LRRTM4: variants seen among roughly 807,000 people sequenced by gnomAD.
LRRTM4 encodes the protein leucine-rich repeat transmembrane neuronal protein 4.
In LRRTM4, 25 loss-of-function variants were observed where a neutral mutation model predicts 47.6. The ratio of observed to expected loss-of-function variants is 0.53; its 90% CI spans 0.38 to 0.73. The LOEUF (loss-of-function observed/expected upper bound fraction) is 0.73. LRRTM4 is among the 30% of genes least tolerant of loss of function. LRRTM4 has a pLI of 0.00. For missense variants in LRRTM4, 638 were observed against 713.4 expected, an observed-to-expected ratio of 0.89 and a Z score of 1.20; for synonymous variants, 311 against 269.5, an observed-to-expected ratio of 1.15 and a Z score of -1.51.
At chr2:76,845,317 C>T (rs528767974) in intron 3 of LRRTM4, among the ~76,000 whole-genome samples, 18 of 152,180 alleles carry the variant, frequency 1.2e-4, no homozygotes, top group African/African-American at 4.3e-4. Context: ...ATGGTGAAAC[C>T]CCGTCTCTAC....
intron 3 of LRRTM4, among the ~76,000 whole-genome samples, chr2:77,073,109 T>G (rs1047090592): frequency 6.6e-6 from 1 of 151,878 alleles, no homozygotes; most frequent in African/African-American, 2.4e-5. Flanking sequence ...GATCTCCAGG[T>G]GATTCATACA....
chr2:76,970,552 T>C (rs1448665637), intron 3 of LRRTM4, among the ~76,000 whole-genome samples: 2 of 152,032 alleles, frequency 1.3e-5, no homozygotes, highest in African/African-American at 4.8e-5. Flanking sequence ...ATTAAAAATA[T>C]TGTAGAATAA....
chr2:77,392,797 T>A (rs906963930), intron 3 of LRRTM4, among the ~76,000 whole-genome samples: 2 of 152,050 alleles, frequency 1.3e-5, no homozygotes, highest in Admixed American at 1.3e-4. Context: ...AGAGAACTAC[T>A]GTATATCATG....
At chr2:76,968,255 T>TA (rs1676092747) in intron 3 of LRRTM4, among the ~76,000 whole-genome samples, 1 of 145,192 alleles carries the variant, frequency 6.9e-6, no homozygotes, top group African/African-American at 2.6e-5. Flanking sequence ...GAAATTCTTT[T>TA]TAAAAAAAAC....
chr2:76,795,540 C>CAT (rs1269885037), intron 3 of LRRTM4, among the ~76,000 whole-genome samples: 2 of 151,084 alleles, frequency 1.3e-5, no homozygotes, highest in Non-Finnish European at 2.9e-5. Flanking sequence ...ATACCATATG[C>CAT]ATATACATGT....
rs778646195 is a variant in LRRTM4, at chr2:77,476,082, GAAAAATTA to G, written c.1551+42228_1551+42235del. Among the ~76,000 whole-genome samples, 347 of 152,060 alleles carry G rather than the reference GAAAAATTA, an allele frequency of 2.3e-3. 5 individuals carry two copies. The highest frequency in any genetic ancestry group is 5.9e-4 in the Non-Finnish European group (40 of 67,914). On this transcript the variant is annotated intron_variant, in intron 3 of 3. Transcript: ENST00000409884. ...ATTAATACTGACGTTTTCTGATGCA[GAAAAATTA>G]GAAAATTTAATGAAAGCAATAGAGT...
chr2:77,240,142 T>A (rs1266977371), intron 3 of LRRTM4, among the ~76,000 whole-genome samples: 2 of 151,852 alleles, frequency 1.3e-5, no homozygotes, highest in Non-Finnish European at 2.9e-5. Flanking sequence ...ATCTATAAAA[T>A]TTCCATATAT....
At chr2:77,031,033 A>G (rs867373283) in intron 3 of LRRTM4, among the ~76,000 whole-genome samples, 7 of 152,190 alleles carry the variant, frequency 4.6e-5, no homozygotes, top group Non-Finnish European at 8.8e-5. Context: ...AATAAACTGT[A>G]AATATTATTT....
intron 3 of LRRTM4, among the ~76,000 whole-genome samples, chr2:76,959,841 C>T (rs528123141): frequency 6.6e-6 from 1 of 151,562 alleles, no homozygotes; most frequent in East Asian, 2.0e-4. Flanking sequence ...ATTTAAAATT[C>T]CAGTGCATTA....
chr2:76,900,274 A>G (rs1389368126), intron 3 of LRRTM4, among the ~76,000 whole-genome samples: 1 of 152,066 alleles, frequency 6.6e-6, no homozygotes, highest in East Asian at 1.9e-4. Context: ...CAAACAAACA[A>G]AAATATACTA....
intron 3 of LRRTM4, among the ~76,000 whole-genome samples, chr2:77,449,725 G>A (rs1313793637): frequency 6.6e-6 from 1 of 152,176 alleles, no homozygotes; most frequent in Non-Finnish European, 1.5e-5. Context: ...GTGCTGTGTT[G>A]GTGAGGTTAG....
At chr2:77,375,142 C>T (rs1672787223) in intron 3 of LRRTM4, among the ~76,000 whole-genome samples, 1 of 151,560 alleles carries the variant, frequency 6.6e-6, no homozygotes, top group South Asian at 2.1e-4. Flanking sequence ...TTAAGTAGTA[C>T]AAATTTCAGA....
At chr2:77,509,553 G>A (rs374072598) in intron 3 of LRRTM4, among the ~76,000 whole-genome samples, 2 of 152,168 alleles carry the variant, frequency 1.3e-5, no homozygotes, top group African/African-American at 2.4e-5. Flanking sequence ...ACCACAACAC[G>A]TGTTTCTACA....
At chr2:76,928,060 CCCTT>C (rs1314666882) in intron 3 of LRRTM4, among the ~76,000 whole-genome samples, 1 of 152,088 alleles carries the variant, frequency 6.6e-6, no homozygotes, top group Non-Finnish European at 1.5e-5. Context: ...AGAGAATGTG[CCCTT>C]CCAATTTTTA....
intron 3 of LRRTM4, among the ~76,000 whole-genome samples, chr2:77,115,448 A>C (rs371483977): frequency 6.6e-6 from 1 of 152,224 alleles, no homozygotes; most frequent in East Asian, 1.9e-4. Flanking sequence ...TACGAAGATA[A>C]CAGGATTAAG....
chr2:77,261,460 C>G (rs1422210505), intron 3 of LRRTM4, among the ~76,000 whole-genome samples: 1 of 152,062 alleles, frequency 6.6e-6, no homozygotes, highest in Non-Finnish European at 1.5e-5. Context: ...ATGGTGGTGT[C>G]ATGTGAAGTT....
intron 3 of LRRTM4, among the ~76,000 whole-genome samples, chr2:77,031,934 CTAACA>C (rs769710270): frequency 6.6e-6 from 1 of 152,120 alleles, no homozygotes. Context: ...GCCCCTAACC[CTAACA>C]TGATTGTCAA....
chr2:77,287,660 TAC>T (rs1676702481), intron 3 of LRRTM4, among the ~76,000 whole-genome samples: 1 of 152,108 alleles, frequency 6.6e-6, no homozygotes, highest in Admixed American at 6.6e-5. Flanking sequence ...CTTTATCCAC[TAC>T]AGAGTGGATA....
intron 3 of LRRTM4, among the ~76,000 whole-genome samples, chr2:77,488,449 A>C (rs908517469): frequency 3.3e-5 from 5 of 152,164 alleles, no homozygotes; most frequent in African/African-American, 1.2e-4. Flanking sequence ...TAGCGTGAGC[A>C]GACTGTGGCC....
Sources: allele counts gnomAD v4.1 joint callset (sites outside exome capture counted in the v4.1 genomes callset), GRCh38; gene constraint gnomAD v4.1.1; transcripts MANE v1.5; gene names NCBI Gene and HGNC (gene_info 2026-07-23, HGNC 2026-07-21).